ARHGAP24: variants seen among roughly 807,000 people sequenced by gnomAD.
The protein encoded by ARHGAP24 is rho GTPase-activating protein 24.
A neutral mutation model predicts 76.4 loss-of-function variants in ARHGAP24; 50 were observed. That is an observed-to-expected ratio of 0.65 (90% CI 0.52 to 0.83). ARHGAP24 has a LOEUF of 0.83. Among genes scored for constraint, ARHGAP24 ranks in the 40% least tolerant of loss-of-function variants. The pLI is 0.00. For missense variants in ARHGAP24, 930 were observed against 914.2 expected (o/e 1.02, Z -0.22); for synonymous variants, 345 against 323.3 (o/e 1.07, Z -0.72).
chr4:85,924,858 G>A (rs900514719), intron 4 of ARHGAP24: 11 of 152,166 alleles, frequency 7.2e-5, no homozygotes, highest in Admixed American at 2.6e-4. Context: ...GAAAGGGAAG[G>A]TTCCTAACCA....
chr4:85,541,965 C>T (rs145756423), intron 1 of ARHGAP24, among the ~76,000 whole-genome samples: 3 of 152,250 alleles, frequency 2.0e-5, no homozygotes, highest in Admixed American at 2.0e-4. Flanking sequence ...ATATGTATTC[C>T]TATGCATAAG....
At chr4:85,967,312 G>A (rs116557445) in intron 5 of ARHGAP24, among the ~76,000 whole-genome samples, 42 of 152,176 alleles carry the variant, frequency 2.8e-4, no homozygotes, top group East Asian at 1.5e-3. Flanking sequence ...AAACTCAAAC[G>A]AAGAATAAAT....
chr4:85,755,647 T>TTTTTTTTTTTG, intron 3 of ARHGAP24, among the ~76,000 whole-genome samples: 1 of 118,686 alleles, frequency 8.4e-6, no homozygotes. Flanking sequence ...TTTTGTTTTG[T>TTTTTTTTTTTG]TTTGAGACGG....
intron 3 of ARHGAP24, among the ~76,000 whole-genome samples, chr4:85,853,472 G>T (rs1002481406): frequency 6.6e-6 from 1 of 152,150 alleles, no homozygotes; most frequent in African/African-American, 2.4e-5. Flanking sequence ...CTCACCCTCT[G>T]TGGGGTGTAC....
At chr4:85,525,445 T>TAA (rs201627500) in intron 1 of ARHGAP24, among the ~76,000 whole-genome samples, 2 of 151,704 alleles carry the variant, frequency 1.3e-5, no homozygotes, top group South Asian at 4.2e-4. Flanking sequence ...ACCATCATAT[T>TAA]AAAAAAAATG....
At chr4:85,547,651 G>T (rs1308483118) in intron 1 of ARHGAP24, among the ~76,000 whole-genome samples, 2 of 152,060 alleles carry the variant, frequency 1.3e-5, no homozygotes, top group Non-Finnish European at 2.9e-5. Flanking sequence ...CCCCAGGCTG[G>T]TCTCAAACAC....
chr4:85,815,120 G>C (rs1407551214), intron 3 of ARHGAP24, among the ~76,000 whole-genome samples: 1 of 152,088 alleles, frequency 6.6e-6, no homozygotes, highest in Non-Finnish European at 1.5e-5. Flanking sequence ...GCTGCACACA[G>C]CCCAGGGACC....
intron 2 of ARHGAP24, among the ~76,000 whole-genome samples, chr4:85,684,831 G>A (rs1462832160): frequency 6.6e-6 from 1 of 152,294 alleles, no homozygotes; most frequent in East Asian, 1.9e-4. Context: ...GCAACAGAGA[G>A]TCTGAGAGTC....
At chr4:85,507,360 T>C (rs756453699) in intron 1 of ARHGAP24, among the ~76,000 whole-genome samples, 3 of 152,218 alleles carry the variant, frequency 2.0e-5, no homozygotes, top group African/African-American at 4.8e-5. Flanking sequence ...TAGCTAGGAC[T>C]ATAGGTGTGC....
At chr4:85,549,048 G>T (rs1476128432) in intron 1 of ARHGAP24, among the ~76,000 whole-genome samples, 3 of 151,634 alleles carry the variant, frequency 2.0e-5, no homozygotes, top group African/African-American at 7.3e-5. Flanking sequence ...TTGTTTATCT[G>T]TTCCCTCTTG....
chr4:85,780,745 A>G lies in ARHGAP24; in HGVS notation c.268+58773A>G, dbSNP rs115284524. Among the ~76,000 whole-genome samples the G allele has an allele frequency of 7.2e-3, 1,090 of 152,342 alleles. 5 individuals are homozygous for G. The highest frequency in any genetic ancestry group is 0.012 in the Non-Finnish European group (788 of 68,030). ...TCTTATGAGAAACGTGCATGTGCCA[A>G]AGGACATAGACACAGTGACATCTAT... On this transcript the variant is annotated intron_variant, in intron 3 of 9. Coordinates refer to ENST00000395184, the MANE Select transcript of ARHGAP24 (RefSeq NM_001025616.3).
At chr4:85,606,630 G>A (rs992594651) in intron 2 of ARHGAP24, among the ~76,000 whole-genome samples, 1 of 152,064 alleles carries the variant, frequency 6.6e-6, no homozygotes, top group Non-Finnish European at 1.5e-5. Context: ...ACTCTTCTGA[G>A]CCCTTATATT....
At chr4:85,842,613 G>A (rs377176776) in intron 3 of ARHGAP24, among the ~76,000 whole-genome samples, 15 of 152,274 alleles carry the variant, frequency 9.9e-5, no homozygotes, top group African/African-American at 3.1e-4. Flanking sequence ...TCATGAATTC[G>A]GCTTATTGAG....
At chr4:85,509,312 T>A (rs1382005058) in intron 1 of ARHGAP24, among the ~76,000 whole-genome samples, 1 of 151,766 alleles carries the variant, frequency 6.6e-6, no homozygotes, top group African/African-American at 2.4e-5. Flanking sequence ...AACCTGCACA[T>A]TGTGCACATG....
At chr4:85,752,971 A>G (rs555591477) in intron 3 of ARHGAP24, among the ~76,000 whole-genome samples, 10 of 152,336 alleles carry the variant, frequency 6.6e-5, no homozygotes, top group African/African-American at 1.7e-4. Context: ...GAATATTTTC[A>G]CAGCACTGAT....
intron 2 of ARHGAP24, among the ~76,000 whole-genome samples, chr4:85,676,075 T>C (rs997939106): frequency 5.3e-5 from 8 of 152,098 alleles, no homozygotes; most frequent in African/African-American, 1.9e-4. Flanking sequence ...GATGATAAAA[T>C]TGATGGTAAG....
intron 2 of ARHGAP24, among the ~76,000 whole-genome samples, chr4:85,685,114 T>C (rs62315312): frequency 0.011 from 1,608 of 152,336 alleles, 13 homozygotes; most frequent in South Asian, 0.044. Context: ...TTTTTTAAGC[T>C]TATCTTTTTC....
Position 85,972,114 on chromosome 4 carries a change from G to T in ARHGAP24, c.678G>T (p.Ala226=). The change falls in exon 6 of 10, where the codon GCG becomes GCT. Residue 226 remains alanine (A), a synonymous_variant. Coordinates refer to ENST00000395184, the MANE Select transcript of ARHGAP24 (RefSeq NM_001025616.3). The stretch of plus-strand genomic sequence containing the variant: ...TTCCAGAACCAGTTATTCCTTATGC[G>T]AAGTATGAAGATTTTTTGTCATGTG... ...RELPEPVIPY[A]KYEDFLSCAK... is the part of the protein sequence containing the mutation. The T allele has an allele frequency of 6.2e-7, 1 of 1,613,664 alleles. No individual in the cohort carries two copies. The highest frequency in any genetic ancestry group is 8.5e-7 in the Non-Finnish European group (1 of 1,179,940).
chr4:85,762,648 G>A (rs1427604260), intron 3 of ARHGAP24, among the ~76,000 whole-genome samples: 1 of 152,132 alleles, frequency 6.6e-6, no homozygotes, highest in Admixed American at 6.6e-5. Flanking sequence ...CTTTGCCCAA[G>A]GTCACATAGC....
Sources: allele counts gnomAD v4.1 joint callset (sites outside exome capture counted in the v4.1 genomes callset), GRCh38; gene constraint gnomAD v4.1.1; transcripts MANE v1.5; gene names NCBI Gene and HGNC (gene_info 2026-07-23, HGNC 2026-07-21).